UBE4B: variants seen among roughly 807,000 people sequenced by gnomAD.
UBE4B encodes the protein ubiquitination factor E4B.
In UBE4B, 27 loss-of-function variants were observed where a neutral mutation model predicts 148.1. The observed-to-expected ratio is 0.18, with a 90% confidence interval of 0.13 to 0.25. The LOEUF is 0.25. Among genes scored for constraint, UBE4B ranks in the 10% least tolerant of loss-of-function variants. The pLI, the probability that UBE4B is intolerant of heterozygous loss-of-function variation, is 1.00. For missense variants in UBE4B, 1,170 were observed against 1,662.4 expected, an observed-to-expected ratio of 0.70 and a Z score of 5.15; for synonymous variants, 596 against 619.3, an observed-to-expected ratio of 0.96 and a Z score of 0.56.
chr1:10,108,603 C>G (rs1055610010), intron 7 of UBE4B, among the ~76,000 whole-genome samples: 1 of 152,126 alleles, frequency 6.6e-6, no homozygotes, highest in Admixed American at 6.5e-5. Flanking sequence ...TAACTCCAGG[C>G]TATAAATAGA....
chr1:10,175,629 C>G (rs6541079), intron 25 of UBE4B, among the ~76,000 whole-genome samples: 1 of 151,244 alleles, frequency 6.6e-6, no homozygotes, highest in Non-Finnish European at 1.5e-5. Flanking sequence ...CCAGCCTGGG[C>G]GACAGAGCGA....
At chr1:10,107,447 AG>A (rs1157641724) in intron 7 of UBE4B, 37 of 1,224,462 alleles carry the variant, frequency 3.0e-5, no homozygotes, top group Non-Finnish European at 3.9e-5. Context: ...AGCTCTAACA[AG>A]GGGCGTGCTT....
intron 22 of UBE4B, among the ~76,000 whole-genome samples, chr1:10,159,193 C>T (rs918363731): frequency 6.6e-6 from 1 of 152,110 alleles, no homozygotes; most frequent in African/African-American, 2.4e-5. Context: ...TCAGAGTTGT[C>T]ATTTAAAGTA....
At chr1:10,067,702 A>G (rs1320557933) in intron 1 of UBE4B, among the ~76,000 whole-genome samples, 1 of 151,166 alleles carries the variant, frequency 6.6e-6, no homozygotes, top group Non-Finnish European at 1.5e-5. Context: ...ACCTTCCCAG[A>G]CTCAGGTGAT....
intron 2 of UBE4B, among the ~76,000 whole-genome samples, chr1:10,084,347 G>A (rs550240132): frequency 3.9e-5 from 6 of 151,956 alleles, no homozygotes; most frequent in Non-Finnish European, 7.4e-5. Context: ...AATCTAATCC[G>A]AGGGCTTGCA....
chr1:10,135,256 A>C (rs1645660970), intron 16 of UBE4B, 70 bp downstream of exon 16: 1 of 1,424,026 alleles, frequency 7.0e-7, no homozygotes, highest in Non-Finnish European at 9.7e-7. Flanking sequence ...AGTTCCTCAC[A>C]GATTGTTACC....
Position 10,175,474 on chromosome 1 carries a change from A to G in UBE4B, c.3526-3170A>G, listed in dbSNP as rs1232409570. The stretch of plus-strand genomic sequence containing the variant: ...AGACCGTCCTGGCTAACACGGTGAA[A>G]CCCCATCTCTACTAAAAATACAAAA... On this transcript the variant is annotated intron_variant, in intron 25 of 27. Transcript: ENST00000343090. Among the ~76,000 whole-genome samples, 8 of 149,048 alleles carry G rather than the reference A, an allele frequency of 5.4e-5. No homozygotes were observed. The East Asian group carries it at 1.6e-3, about 30-fold the overall frequency.
At chr1:10,097,940 G>A (rs1036487820) in intron 3 of UBE4B, among the ~76,000 whole-genome samples, 1 of 151,880 alleles carries the variant, frequency 6.6e-6, no homozygotes, top group Non-Finnish European at 1.5e-5. Flanking sequence ...GCACAATCTC[G>A]GCTCACTGCA....
intron 23 of UBE4B, among the ~76,000 whole-genome samples, chr1:10,167,864 C>G (rs1403893145): frequency 6.6e-6 from 1 of 152,150 alleles, no homozygotes; most frequent in African/African-American, 2.4e-5. Flanking sequence ...GCTGGGATTA[C>G]ACGCGTGAGC....
intron 1 of UBE4B, among the ~76,000 whole-genome samples, chr1:10,068,989 G>C (rs543149008): frequency 9.2e-5 from 14 of 152,192 alleles, no homozygotes; most frequent in African/African-American, 1.4e-4. Flanking sequence ...ACCTGCCTCT[G>C]TCTCTTAACT....
intron 20 of UBE4B, among the ~76,000 whole-genome samples, chr1:10,150,550 T>G (rs147854440): frequency 6.6e-6 from 1 of 152,360 alleles, no homozygotes; most frequent in African/African-American, 2.4e-5. Flanking sequence ...GTTTTAAATC[T>G]GTCTTGTTAC....
At chr1:10,073,697 T>G (rs1348461825) in intron 2 of UBE4B, among the ~76,000 whole-genome samples, 1 of 152,004 alleles carries the variant, frequency 6.6e-6, no homozygotes, top group East Asian at 1.9e-4. Context: ...TCCAACCTGG[T>G]GATGGCGTGA....
intron 7 of UBE4B, among the ~76,000 whole-genome samples, chr1:10,108,224 A>G (rs926745019): frequency 2.5e-4 from 8 of 31,428 alleles, no homozygotes; most frequent in Admixed American, 8.5e-4. Context: ...GTTCACCCCC[A>G]TTGAGCTCAG....
intron 12 of UBE4B, among the ~76,000 whole-genome samples, chr1:10,129,971 A>G (rs1645565825): frequency 6.6e-6 from 1 of 151,890 alleles, no homozygotes; most frequent in African/African-American, 2.4e-5. Flanking sequence ...TCCCTTGACA[A>G]GTATTGTACA....
intron 19 of UBE4B, among the ~76,000 whole-genome samples, chr1:10,148,688 C>A (rs1477351060): frequency 6.7e-6 from 1 of 149,606 alleles, no homozygotes; most frequent in Non-Finnish European, 1.5e-5. Flanking sequence ...ACCTGTAATC[C>A]CAGCACTTTG....
chr1:10,043,636 G>GC (rs1235967803), intron 1 of UBE4B, among the ~76,000 whole-genome samples: 101 of 151,460 alleles, frequency 6.7e-4, no homozygotes, highest in Non-Finnish European at 1.4e-3. Context: ...CACCGTGTTA[G>GC]CCAGGATGGT....
Position 10,161,849 on chromosome 1 carries a change from C to G in UBE4B, c.3198+563C>G, listed in dbSNP as rs943104098. On this transcript the variant is annotated intron_variant, in intron 23 of 27. Transcript: ENST00000343090. This position sits in a 1 kb window ranked among gnomAD's most constrained non-coding sequence, Gnocchi z 4.1. ...GCAGCCACTGAGATACTTCCTTGGT[C>G]GCTTATGAGGCCCTTGACAGTTGCT... is the stretch of plus-strand genomic sequence containing the variant. Among the ~76,000 whole-genome samples, 5 of 152,090 alleles carry G rather than the reference C, an allele frequency of 3.3e-5. No homozygotes were observed. Among genetic ancestry groups the G allele is most frequent in the Non-Finnish European group, 7.3e-5 (5 of 68,034 alleles).
intron 7 of UBE4B, among the ~76,000 whole-genome samples, chr1:10,116,843 C>T (rs6669051): frequency 0.014 from 2,166 of 152,314 alleles, 48 homozygotes; most frequent in African/African-American, 0.048. Context: ...CTAGAACCCA[C>T]GTCTGGTTAC....
Position 10,171,140 on chromosome 1 carries a change from G to T in UBE4B, c.3336G>T (p.Glu1112Asp). Residue 1112 changes from glutamate to aspartate, a missense_variant and splice_region_variant, in exon 25 of 28, where the codon GAG (glutamate) becomes GAT (aspartate). Transcript: ENST00000343090. ...KQVQKPFLRP[E>D]LGPRLAAMLN... Reference sequence around the variant, plus strand: ...CCTATTATCCTGTGATTTCCTAGGAGCTTGGACCCCGATTGGCTGCAATGC... The same window carrying T: ...CCTATTATCCTGTGATTTCCTAGGATCTTGGACCCCGATTGGCTGCAATGC... The T allele has an allele frequency of 6.2e-7, 1 of 1,613,662 alleles. No individual in the cohort carries two copies. Among genetic ancestry groups the T allele is most frequent in the East Asian group, 2.2e-5 (1 of 44,872 alleles).
Sources: allele counts gnomAD v4.1 joint callset (sites outside exome capture counted in the v4.1 genomes callset), GRCh38; gene constraint gnomAD v4.1.1; non-coding constraint Gnocchi (gnomAD v3.1); transcripts MANE v1.5; gene names NCBI Gene and HGNC (gene_info 2026-07-23, HGNC 2026-07-21).